SLC24A2: variants seen among roughly 807,000 people sequenced by gnomAD.
The protein encoded by SLC24A2 is solute carrier family 24 member 2.
SLC24A2 carries 36 observed loss-of-function variants against 62.0 expected under a neutral mutation model. That is an observed-to-expected ratio of 0.58 (90% CI 0.44 to 0.77). The LOEUF is 0.77. SLC24A2 is among the 30% of genes least tolerant of loss of function. The pLI, the probability that SLC24A2 is intolerant of heterozygous loss-of-function variation, is 0.00. For missense variants in SLC24A2, 846 were observed against 817.9 expected (o/e 1.03, Z -0.42); for synonymous variants, 358 against 294.0 (o/e 1.22, Z -2.23).
At chr9:20,237,558 G>A in the SLC24A2 span, among the ~76,000 whole-genome samples, 5 of 152,226 alleles carry the variant, frequency 3.3e-5, no homozygotes, top group African/African-American at 1.2e-4. Context: ...GAGAAGGTTA[G>A]AGAAGCCCTG....
At chr9:20,181,496 T>C in the SLC24A2 span, among the ~76,000 whole-genome samples, 9 of 152,260 alleles carry the variant, frequency 5.9e-5, no homozygotes, top group African/African-American at 1.9e-4. Flanking sequence ...TCTACAACCA[T>C]CTGATCTTTG....
chr9:19,571,212 G>A (rs2132838473), intron 7 of SLC24A2, among the ~76,000 whole-genome samples: 1 of 152,268 alleles, frequency 6.6e-6, no homozygotes, highest in African/African-American at 2.4e-5. Context: ...TGCTCTGCCA[G>A]CTCACTCTTG....
At chr9:20,291,515 A>G in the SLC24A2 span, among the ~76,000 whole-genome samples, 12 of 152,122 alleles carry the variant, frequency 7.9e-5, no homozygotes, top group South Asian at 1.2e-3. Flanking sequence ...CACAAGAAGG[A>G]TGCTATGGCA....
the SLC24A2 span, among the ~76,000 whole-genome samples, chr9:20,156,926 C>A: frequency 1.3e-5 from 2 of 151,736 alleles, no homozygotes; most frequent in African/African-American, 4.8e-5. Flanking sequence ...GTTCACCAGA[C>A]TCAAGTTGTA....
the SLC24A2 span, among the ~76,000 whole-genome samples, chr9:20,059,358 A>G: frequency 1.1e-4 from 17 of 152,204 alleles, no homozygotes; most frequent in African/African-American, 3.6e-4. Flanking sequence ...CATTCTTCTC[A>G]TGTCTACATG....
chr9:20,057,218 C>T, the SLC24A2 span, among the ~76,000 whole-genome samples: 1 of 152,166 alleles, frequency 6.6e-6, no homozygotes, highest in Non-Finnish European at 1.5e-5. Flanking sequence ...ATAACTATCA[C>T]TTTTTTTAAA....
the SLC24A2 span, among the ~76,000 whole-genome samples, chr9:20,100,460 T>C: frequency 6.2e-4 from 94 of 152,342 alleles, no homozygotes; most frequent in African/African-American, 2.2e-3. Flanking sequence ...CACAACTATA[T>C]ACATCTGAAC....
chr9:19,922,278 T>G, the SLC24A2 span, among the ~76,000 whole-genome samples: 1 of 152,212 alleles, frequency 6.6e-6, no homozygotes, highest in Admixed American at 6.5e-5. Context: ...CACTAAGTAT[T>G]TGAGTCCATG....
At chr9:19,861,122 C>T in the SLC24A2 span, among the ~76,000 whole-genome samples, 4 of 152,140 alleles carry the variant, frequency 2.6e-5, no homozygotes, top group Non-Finnish European at 4.4e-5. Flanking sequence ...TACAGCAGGG[C>T]TTGGGTAAGA....
At chr9:19,652,236 C>T (rs1383063437) in intron 2 of SLC24A2, among the ~76,000 whole-genome samples, 2 of 152,130 alleles carry the variant, frequency 1.3e-5, no homozygotes, top group Non-Finnish European at 2.9e-5. Flanking sequence ...GTGAAGATAA[C>T]ATTTTAGAAT....
chr9:20,004,642 A>G, the SLC24A2 span, among the ~76,000 whole-genome samples: 1 of 152,158 alleles, frequency 6.6e-6, no homozygotes, highest in African/African-American at 2.4e-5. Flanking sequence ...GTTGAGCTGG[A>G]GTTTTATAAG....
the SLC24A2 span, among the ~76,000 whole-genome samples, chr9:19,794,221 G>A: frequency 6.6e-6 from 1 of 152,138 alleles, no homozygotes; most frequent in East Asian, 1.9e-4. Flanking sequence ...CATTAGGAAC[G>A]GGAATTTTTC....
At chr9:19,657,509 A>G (rs376653689) in intron 2 of SLC24A2, among the ~76,000 whole-genome samples, 6 of 151,938 alleles carry the variant, frequency 3.9e-5, no homozygotes, top group African/African-American at 1.5e-4. Context: ...CCCCGCATGC[A>G]TTAGGTATTT....
chr9:19,961,960 T>C, the SLC24A2 span, among the ~76,000 whole-genome samples: 3 of 152,236 alleles, frequency 2.0e-5, no homozygotes, highest in African/African-American at 7.2e-5. Context: ...TCCTAGATTC[T>C]TGACTCTCAG....
chr9:19,823,342 T>A, the SLC24A2 span, among the ~76,000 whole-genome samples: 1 of 151,972 alleles, frequency 6.6e-6, no homozygotes, highest in East Asian at 1.9e-4. Context: ...CACAAACACA[T>A]AATTTTGAAC....
rs559747698 is a variant in SLC24A2 at position 19,530,853 on chromosome 9, C to T, written c.1480-2715G>A. On this transcript the variant is annotated intron_variant, in intron 8 of 10. Coordinates refer to ENST00000341998, the MANE Select transcript of SLC24A2 (RefSeq NM_020344.4). The stretch of plus-strand genomic sequence containing the variant: ...GGTAGATAAAGTCTGAGAACTTACT[C>T]TGTACCCAGATCCTGAACTAGAGAT... Among the ~76,000 whole-genome samples, 39 of 152,322 alleles carry T rather than the reference C, an allele frequency of 2.6e-4. No individual in the cohort carries two copies. The East Asian group carries it at 6.4e-3, about 25-fold the overall frequency.
chr9:19,517,910 AACAC>A (rs56840950), intron 10 of SLC24A2, among the ~76,000 whole-genome samples: 25,948 of 131,378 alleles, frequency 0.2, 2,373 homozygotes, highest in Non-Finnish European at 0.21. Flanking sequence ...TTCTTATTAA[AACAC>A]ACACACACAC....
chr9:19,752,113 T>C (rs888261216), intron 2 of SLC24A2, among the ~76,000 whole-genome samples: 2 of 152,116 alleles, frequency 1.3e-5, no homozygotes, highest in African/African-American at 4.8e-5. Context: ...TGCGACACGT[T>C]TGCTTATGTG....
intron 4 of SLC24A2, among the ~76,000 whole-genome samples, chr9:19,605,153 A>G (rs1209063346): frequency 6.6e-6 from 1 of 152,236 alleles, no homozygotes; most frequent in Non-Finnish European, 1.5e-5. Context: ...GTTACGCAGG[A>G]GGAGCTAGGG....
Sources: allele counts gnomAD v4.1 joint callset (sites outside exome capture counted in the v4.1 genomes callset), GRCh38; gene constraint gnomAD v4.1.1; transcripts MANE v1.5; gene names NCBI Gene and HGNC (gene_info 2026-07-23, HGNC 2026-07-21).